Variants in TTC39C observed in about 807,000 individuals in gnomAD.
TTC39C encodes tetratricopeptide repeat protein 39C.
A neutral mutation model predicts 76.3 loss-of-function variants in TTC39C; 33 were observed. That is an observed-to-expected ratio of 0.43 (90% CI 0.33 to 0.58). The LOEUF is 0.58. Ranked by LOEUF, TTC39C falls within the 20% of genes least tolerant of loss-of-function variation. The pLI, the probability that TTC39C is intolerant of heterozygous loss-of-function variation, is 0.04. For synonymous variants in TTC39C, 254 were observed against 260.6 expected, an observed-to-expected ratio of 0.97 and a Z score of 0.24; for missense variants, 595 against 701.4, an observed-to-expected ratio of 0.85 and a Z score of 1.71.
chr18:24,045,995 A>G (rs1190413395), intron 1 of TTC39C, among the ~76,000 whole-genome samples: 3 of 124,386 alleles, frequency 2.4e-5, no homozygotes, highest in South Asian at 2.8e-4. Flanking sequence ...CTGGAGTGCG[A>G]CGGCACAATC....
At chr18:24,002,438 T>A (rs1442004996) in intron 1 of TTC39C, among the ~76,000 whole-genome samples, 1 of 152,202 alleles carries the variant, frequency 6.6e-6, no homozygotes. Flanking sequence ...GAGACCAAAT[T>A]GACCAGCAGC....
intron 1 of TTC39C, among the ~76,000 whole-genome samples, chr18:24,004,193 T>C (rs2083334523): frequency 6.6e-6 from 1 of 152,192 alleles, no homozygotes; most frequent in South Asian, 2.1e-4. Context: ...GTAAGATTGC[T>C]CCTGAGCCCA....
intron 1 of TTC39C, among the ~76,000 whole-genome samples, chr18:24,061,239 T>TTA (rs775373842): frequency 1.3e-3 from 199 of 150,386 alleles, no homozygotes; most frequent in African/African-American, 4.7e-3. Flanking sequence ...TTTTTTTTTT[T>TTA]AAAAAAATAG....
At chr18:24,079,752 A>AT (rs72531208) in intron 4 of TTC39C, among the ~76,000 whole-genome samples, 23,121 of 145,736 alleles carry the variant, frequency 0.16, 2,492 homozygotes, top group East Asian at 0.33. Flanking sequence ...TGCTTATTTT[A>AT]TTTTTTTTTG....
At chr18:24,004,401 A>G (rs1177341403) in intron 1 of TTC39C, among the ~76,000 whole-genome samples, 1 of 152,196 alleles carries the variant, frequency 6.6e-6, no homozygotes, top group African/African-American at 2.4e-5. Flanking sequence ...AAGTGAAAAA[A>G]TGTGTATTTT....
chr18:24,026,205 C>T (rs1419984664), intron 1 of TTC39C, among the ~76,000 whole-genome samples: 1 of 152,220 alleles, frequency 6.6e-6, no homozygotes, highest in African/African-American at 2.4e-5. Context: ...TTTTCCTGTC[C>T]TGTTCCCACC....
At chr18:24,113,644 G>A (rs1469605878) in intron 6 of TTC39C, 2 of 702,370 alleles carry the variant, frequency 2.8e-6, no homozygotes, top group East Asian at 2.7e-5. Flanking sequence ...TCGTCTGGCT[G>A]TTTAAGATTT....
At chr18:24,114,814 C>T in intron 7 of TTC39C, 167 bp downstream of exon 7, 2 of 538,162 alleles carry the variant, frequency 3.7e-6, no homozygotes, top group South Asian at 2.4e-5. Flanking sequence ...CTCTGATTCT[C>T]ATTACGTTTT....
intron 1 of TTC39C, among the ~76,000 whole-genome samples, chr18:24,045,353 T>TTTGTGTGCA (rs1229725998): frequency 6.6e-6 from 1 of 151,012 alleles, no homozygotes; most frequent in Admixed American, 6.6e-5. Flanking sequence ...CCAGGGGGGA[T>TTTGTGTGCA]TTGTGTGCAC....
intron 11 of TTC39C, among the ~76,000 whole-genome samples, chr18:24,129,935 C>G (rs2145831920): frequency 6.6e-6 from 1 of 152,218 alleles, no homozygotes; most frequent in South Asian, 2.1e-4. Flanking sequence ...TATGTGCTAG[C>G]AAGATACAGT....
chr18:24,030,648 C>CT lies in TTC39C; in HGVS notation c.167+15631dup, dbSNP rs1167104790. On this transcript the variant is annotated intron_variant, in intron 1 of 13. Coordinates refer to ENST00000317571, the MANE Select transcript of TTC39C (RefSeq NM_001135993.2). ...TCTCTCAACAGCCCCAAAGATAGGC[C>CT]TTTTTTTTTTTTTTTTTTTTTGAGA... Among the ~76,000 whole-genome samples the CT allele has an allele frequency of 7.7e-3, 685 of 89,012 alleles. 38 individuals carry two copies. Among genetic ancestry groups the CT allele is most frequent in the African/African-American group, 0.026 (642 of 24,238 alleles). 58.4% of individuals were successfully genotyped at this position (89,012 alleles called of 152,430 possible).
intron 5 of TTC39C, among the ~76,000 whole-genome samples, chr18:24,082,071 G>A (rs1444604360): frequency 2.1e-5 from 3 of 143,536 alleles, no homozygotes; most frequent in East Asian, 4.2e-4. Flanking sequence ...AGGGTGGAGT[G>A]CAGTGGCGCG....
In TTC39C at chr18:24,014,762, C is replaced by G; in HGVS notation, c.-110C>G. 8.6e-7 allele frequency: 1 copy of G among 1,160,426 alleles called. No individual in the cohort carries two copies. The allele number at this position is 1,160,426 out of a possible 1,614,324, so 71.9% of individuals were successfully genotyped here. A position where few individuals can be genotyped will look rare whatever the true frequency, so the allele number is the denominator to read the frequency against. On this transcript the variant is annotated 5_prime_UTR_variant, in exon 1 of 14. Transcript: ENST00000317571. ...GTCTTCTCCCCTCCCCTCCCCTCCC[C>G]TCCCGGCTCCGCTTGGCTCCGGGCA...
At chr18:24,005,188 T>C (rs2083342723) in intron 1 of TTC39C, among the ~76,000 whole-genome samples, 1 of 152,190 alleles carries the variant, frequency 6.6e-6, no homozygotes. Flanking sequence ...ATTACCTGCT[T>C]CATGGCCTTG....
At chr18:24,064,212 T>A in intron 2 of TTC39C, 24 bp downstream of exon 2, 1 of 1,612,718 alleles carries the variant, frequency 6.2e-7, no homozygotes, top group African/African-American at 1.3e-5. Context: ...TTAAGACCTA[T>A]TGGCATGAAG....
chr18:24,039,583 C>T (rs2083768861), intron 1 of TTC39C, among the ~76,000 whole-genome samples: 1 of 152,184 alleles, frequency 6.6e-6, no homozygotes, highest in Admixed American at 6.5e-5. Flanking sequence ...CCTCTTGCCT[C>T]GGCCTCCCAA....
rs142854411 is a variant in TTC39C at position 24,128,974 on chromosome 18, T to C, written c.1509T>C (p.Asp503=). The C allele has an allele frequency of 1.3e-4, 216 of 1,613,262 alleles. No homozygotes were observed. In the African/African-American group the frequency reaches 2.7e-3, roughly 20 times the overall value. The change falls in exon 11 of 14, where the codon GAT becomes GAC. Residue 503 remains aspartate, a synonymous_variant. Coordinates refer to ENST00000317571, the MANE Select transcript of TTC39C (RefSeq NM_001135993.2). ...AIHKCLGNSE[D]AVQYFQRAVK... is the part of the protein sequence containing the mutation. ...ACAAATGTCTAGGAAACTCAGAAGATGCTGTTCAGGTAAACTGTTAATGTT... is the reference window on the plus strand; with the variant it reads ...ACAAATGTCTAGGAAACTCAGAAGACGCTGTTCAGGTAAACTGTTAATGTT...
intron 2 of TTC39C, 34 bp downstream of exon 2, chr18:24,064,222 G>C: frequency 6.2e-7 from 1 of 1,610,354 alleles, no homozygotes. Context: ...TTGGCATGAA[G>C]GAAACAATTA....
At chr18:24,009,027 C>A (rs2083375942) in intron 1 of TTC39C, among the ~76,000 whole-genome samples, 1 of 152,074 alleles carries the variant, frequency 6.6e-6, no homozygotes. Context: ...AAGAGGGGAA[C>A]CACAGACGCC....
Sources: gnomAD v4.1 joint callset for allele counts (sites outside exome capture counted in the v4.1 genomes callset) on GRCh38, gnomAD v4.1.1 for gene constraint, MANE v1.5 for transcripts, NCBI Gene and HGNC (gene_info 2026-07-23, HGNC 2026-07-21) for gene names.